ABCG2: variants seen among roughly 807,000 people sequenced by gnomAD.
The protein encoded by ABCG2 is broad substrate specificity ATP-binding cassette transporter ABCG2.
Under a neutral mutation model 73.5 loss-of-function variants are expected in ABCG2, and 80 were observed. That is an observed-to-expected ratio of 1.09 (90% CI 0.91 to 1.31). ABCG2 has a LOEUF of 1.31. Ranked by LOEUF, ABCG2 falls within the 50% of genes most tolerant of loss-of-function variation. The pLI is 0.00. For synonymous variants in ABCG2, 269 were observed against 282.4 expected (o/e 0.95, Z 0.48); for missense variants, 796 against 786.2 (o/e 1.01, Z -0.15).
intron 1 of ABCG2, among the ~76,000 whole-genome samples, chr4:88,177,120 C>A (rs921286643): frequency 2.0e-5 from 3 of 152,154 alleles, no homozygotes; most frequent in Admixed American, 6.5e-5. Context: ...CGCCTGTAAT[C>A]CCAGCACTTT....
intron 7 of ABCG2, among the ~76,000 whole-genome samples, chr4:88,117,615 C>T (rs1272099209): frequency 1.3e-5 from 2 of 152,078 alleles, no homozygotes; most frequent in African/African-American, 4.8e-5. Flanking sequence ...CCAGCCTGGG[C>T]AATAGAGCAA....
intron 1 of ABCG2, among the ~76,000 whole-genome samples, chr4:88,225,891 G>A (rs575229323): frequency 1.3e-5 from 2 of 152,282 alleles, no homozygotes; most frequent in South Asian, 4.1e-4. Context: ...AGGGAAGACA[G>A]AAAATGAGAG....
intron 1 of ABCG2, among the ~76,000 whole-genome samples, chr4:88,143,142 A>C (rs1007573058): frequency 2.6e-5 from 4 of 152,186 alleles, no homozygotes; most frequent in Non-Finnish European, 5.9e-5. Flanking sequence ...CATTATATGC[A>C]AATACTATGC....
chr4:88,167,141 A>T (rs375608168), intron 1 of ABCG2, among the ~76,000 whole-genome samples: 108 of 512 alleles, frequency 0.21, 1 homozygote, highest in African/African-American at 0.28. Flanking sequence ...CAGCCAGCTG[A>T]AATGAACTCT....
chr4:88,130,436 T>C (rs1220725520), intron 5 of ABCG2, among the ~76,000 whole-genome samples: 1 of 151,936 alleles, frequency 6.6e-6, no homozygotes, highest in Non-Finnish European at 1.5e-5. Context: ...ACTGATTCTA[T>C]ATTATGATGA....
chr4:88,153,227 A>AG (rs1473788680), intron 1 of ABCG2, among the ~76,000 whole-genome samples: 1 of 68 alleles, frequency 0.015, no homozygotes. Context: ...TGTAAACAAG[A>AG]GCGGGCATGT....
intron 1 of ABCG2, among the ~76,000 whole-genome samples, chr4:88,168,485 C>CA (rs5860121): frequency 0.53 from 73,527 of 137,516 alleles, 18,939 homozygotes; most frequent in African/African-American, 0.63. Flanking sequence ...GGCTTCCTCT[C>CA]AAAAAAAAAA....
At chr4:88,144,404 C>T (rs1365808874) in intron 1 of ABCG2, among the ~76,000 whole-genome samples, 1 of 151,686 alleles carries the variant, frequency 6.6e-6, no homozygotes, top group Non-Finnish European at 1.5e-5. Flanking sequence ...GTCATTCATA[C>T]CTCGCCTTTC....
chr4:88,160,025 T>C (rs1727214922), upstream of ABCG2, among the ~76,000 whole-genome samples: 1 of 151,914 alleles, frequency 6.6e-6, no homozygotes, highest in Non-Finnish European at 1.5e-5. Flanking sequence ...GGCAGATCAC[T>C]TGAGGCCAGG....
In ABCG2 at chr4:88,139,803, A is replaced by G. The variant is rs1725498652; in HGVS notation, c.193T>C (p.Ser65Pro). Reference sequence around the variant, plus strand: ...AGTTCATGTACATACTTGATATTCGATAATATTTCTTTCTCAACTGGTTTT... The same window carrying G: ...AGTTCATGTACATACTTGATATTCGGTAATATTTCTTTCTCAACTGGTTTT... The part of the protein sequence containing the change: ...CRKPVEKEIL[S>P]NINGIMKPGL... The change falls in exon 2 of 16, where the codon TCG (serine) becomes CCG (proline). Residue 65 changes from serine (S) to proline (P), a missense_variant. Transcript: ENST00000237612. 6.2e-7 allele frequency: 1 copy of G among 1,613,312 alleles called. No individual in the cohort carries two copies. The highest frequency in any genetic ancestry group is 1.7e-5 in the Admixed American group (1 of 59,878).
At chr4:88,213,096 G>A (rs1251110812) in intron 1 of ABCG2, among the ~76,000 whole-genome samples, 1 of 152,058 alleles carries the variant, frequency 6.6e-6, no homozygotes, top group Non-Finnish European at 1.5e-5. Context: ...TAGGGACGGG[G>A]TCTCACTGTA....
intron 1 of ABCG2, among the ~76,000 whole-genome samples, chr4:88,192,703 G>A (rs112691981): frequency 0.041 from 6,152 of 149,448 alleles, 194 homozygotes; most frequent in South Asian, 0.071. Context: ...ACAGGCATGA[G>A]CCACTATGCC....
intron 1 of ABCG2, among the ~76,000 whole-genome samples, chr4:88,199,517 CCATG>C (rs972503582): frequency 6.6e-6 from 1 of 151,978 alleles, no homozygotes; most frequent in Non-Finnish European, 1.5e-5. Flanking sequence ...TTATTAGAAA[CCATG>C]CAAGCAGGAA....
At position 88,090,963 on chromosome 4, in the gene ABCG2, C is replaced by G. The variant is rs1331204636; in HGVS notation, c.*1271G>C. On this transcript the variant is annotated 3_prime_UTR_variant, in exon 16 of 16. Coordinates refer to ENST00000237612, the MANE Select transcript of ABCG2 (RefSeq NM_004827.3). Reference sequence around the variant, plus strand: ...CTTTTCTGTCAATCTAAAATTATTTCCAAATTAAAAGTTTATTAAAAAGTG... The same window carrying G: ...CTTTTCTGTCAATCTAAAATTATTTGCAAATTAAAAGTTTATTAAAAAGTG... 2.0e-5 allele frequency: 3 copies of G among 152,152 alleles called. No homozygotes were observed. Among genetic ancestry groups the G allele is most frequent in the African/African-American group, 7.2e-5 (3 of 41,426 alleles). 9.4% of individuals were successfully genotyped at this position (152,152 alleles called of 1,614,324 possible). A position where few individuals can be genotyped will look rare whatever the true frequency, so the allele number is the denominator to read the frequency against.
chr4:88,106,068 A>G (rs1300239610), intron 10 of ABCG2, among the ~76,000 whole-genome samples: 4 of 152,246 alleles, frequency 2.6e-5, no homozygotes. Flanking sequence ...CAGAATTACT[A>G]TATGACCCAG....
intron 1 of ABCG2, among the ~76,000 whole-genome samples, chr4:88,201,990 G>T (rs1729180152): frequency 6.6e-6 from 1 of 152,030 alleles, no homozygotes; most frequent in Non-Finnish European, 1.5e-5. Flanking sequence ...TAATTGGTAT[G>T]AGTGTGGCAG....
At chr4:88,212,670 C>T (rs1434931757) in intron 1 of ABCG2, among the ~76,000 whole-genome samples, 1 of 152,132 alleles carries the variant, frequency 6.6e-6, no homozygotes, top group Non-Finnish European at 1.5e-5. Context: ...TGTGCCTCAC[C>T]CCTCACTGCT....
chr4:88,162,610 C>G (rs1330795558), upstream of ABCG2, among the ~76,000 whole-genome samples: 1 of 152,104 alleles, frequency 6.6e-6, no homozygotes, highest in Non-Finnish European at 1.5e-5. Context: ...TTGATAAGTT[C>G]AGATTAAAGC....
rs757687597 is a variant in ABCG2, at chr4:88,131,850, C to T, written c.331G>A (p.Ala111Thr). 12 of 1,613,748 alleles carry T rather than the reference C, an allele frequency of 7.4e-6. No individual in the cohort carries two copies. The African/African-American group carries it at 1.1e-4, about 14-fold the overall frequency. Residue 111 changes from alanine to threonine, a missense_variant, in exon 4 of 16, where the codon GCA (alanine) becomes ACA (threonine). By Grantham distance (58) the Ala-to-Thr change is moderately conservative. Coordinates refer to ENST00000237612, the MANE Select transcript of ABCG2 (RefSeq NM_004827.3). ...CATTTGAAATTGGCAGGTCGCGGTGCTCCATTTATCAGAACATCTCCAGAT... is the reference window on the plus strand; with the variant it reads ...CATTTGAAATTGGCAGGTCGCGGTGTTCCATTTATCAGAACATCTCCAGAT... ...GLSGDVLINGAPRPANFKCNS... is the reference protein window; with the variant it reads ...GLSGDVLINGTPRPANFKCNS...
Sources: allele counts gnomAD v4.1 joint callset (sites outside exome capture counted in the v4.1 genomes callset), GRCh38; gene constraint gnomAD v4.1.1; transcripts MANE v1.5; gene names NCBI Gene and HGNC (gene_info 2026-07-23, HGNC 2026-07-21).